NRXN3: variants seen among roughly 807,000 people sequenced by gnomAD.
NRXN3 encodes neurexin III.
In NRXN3, 32 loss-of-function variants were observed where a neutral mutation model predicts 137.6. The observed-to-expected ratio is 0.23, with a 90% CI of 0.18 to 0.31. The LOEUF is 0.31. Ranked by LOEUF, NRXN3 falls within the 10% of genes least tolerant of loss-of-function variation. The probability of loss-of-function intolerance (pLI) is 1.00; values close to 1 mark genes in which losing one functional copy is unlikely to be tolerated. For synonymous variants in NRXN3, 798 were observed against 784.5 expected, an observed-to-expected ratio of 1.02 and a Z score of -0.29; for missense variants, 1,574 against 2,062.5, an observed-to-expected ratio of 0.76 and a Z score of 4.59.
At chr14:78,913,252 T>C (rs550804882) in intron 10 of NRXN3, among the ~76,000 whole-genome samples, 2 of 105,126 alleles carry the variant, frequency 1.9e-5, no homozygotes, top group East Asian at 6.0e-4. Flanking sequence ...TTTCTTTTCT[T>C]TCTTTCTTTC....
chr14:78,328,681 G>T (rs2080412480), intron 4 of NRXN3, among the ~76,000 whole-genome samples: 1 of 152,166 alleles, frequency 6.6e-6, no homozygotes, highest in African/African-American at 2.4e-5. Flanking sequence ...TTGATATCAA[G>T]AATTTTCCAG....
At chr14:78,397,455 C>T (rs950472025) in intron 4 of NRXN3, among the ~76,000 whole-genome samples, 2 of 146,650 alleles carry the variant, frequency 1.4e-5, no homozygotes, top group East Asian at 2.0e-4. Context: ...CCATTCACTG[C>T]GATTTTTATT....
intron 4 of NRXN3, among the ~76,000 whole-genome samples, chr14:78,623,483 C>A (rs116262615): frequency 0.01 from 1,594 of 152,334 alleles, 33 homozygotes; most frequent in African/African-American, 0.037. Context: ...TAGTAGATAA[C>A]CATGCTACAG....
chr14:78,476,592 A>G (rs562142959), intron 4 of NRXN3, among the ~76,000 whole-genome samples: 2 of 152,248 alleles, frequency 1.3e-5, no homozygotes, highest in South Asian at 4.1e-4. Flanking sequence ...ATCCTACAAA[A>G]CTATCTTTCT....
intron 10 of NRXN3, among the ~76,000 whole-genome samples, chr14:78,825,801 G>C (rs2152375395): frequency 6.6e-6 from 1 of 152,324 alleles, no homozygotes; most frequent in East Asian, 1.9e-4. Flanking sequence ...GAAGAGTTTT[G>C]TGACAGCTGG....
At chr14:78,856,026 G>T (rs143472795) in intron 10 of NRXN3, among the ~76,000 whole-genome samples, 4 of 152,240 alleles carry the variant, frequency 2.6e-5, no homozygotes, top group Admixed American at 2.6e-4. Context: ...CCAAGAAAGG[G>T]TCAGAGTATT....
rs570642276 is a variant in NRXN3 at position 78,798,521 on chromosome 14, C to T, written c.2045-5099C>T. On this transcript the variant is annotated intron_variant, in intron 8 of 20. Transcript: ENST00000335750. ...TGAGTTTGTATGGCTTTTCTAGGTG[C>T]ACAGTGCAAGCTGTCAGTGGATTTA... Among the ~76,000 whole-genome samples the T allele has an allele frequency of 2.2e-4, 34 of 152,258 alleles. 1 individual carries two copies. The East Asian group carries it at 3.7e-3, about 16-fold the overall frequency.
chr14:78,638,048 T>C (rs1371231615), intron 4 of NRXN3, among the ~76,000 whole-genome samples: 1 of 152,246 alleles, frequency 6.6e-6, no homozygotes, highest in African/African-American at 2.4e-5. Flanking sequence ...CATTCTTCTG[T>C]GGACGGAGGC....
chr14:78,873,192 G>A (rs1381742803), intron 10 of NRXN3, among the ~76,000 whole-genome samples: 1 of 152,016 alleles, frequency 6.6e-6, no homozygotes, highest in Non-Finnish European at 1.5e-5. Flanking sequence ...ACTTTTTTCT[G>A]TCCTACTGTC....
chr14:79,126,423 T>C (rs2152940326), intron 15 of NRXN3, among the ~76,000 whole-genome samples: 1 of 144,468 alleles, frequency 6.9e-6, no homozygotes, highest in African/African-American at 2.6e-5. Flanking sequence ...GAATATGCGG[T>C]GTTTGGTTTT....
intron 16 of NRXN3, among the ~76,000 whole-genome samples, chr14:79,531,589 C>T (rs1466162319): frequency 6.6e-6 from 1 of 151,880 alleles, no homozygotes; most frequent in Non-Finnish European, 1.5e-5. Flanking sequence ...TGGCAAATAC[C>T]AATAAGGTCA....
At chr14:79,390,384 T>G (rs2094806078) in intron 15 of NRXN3, among the ~76,000 whole-genome samples, 1 of 152,040 alleles carries the variant, frequency 6.6e-6, no homozygotes, top group South Asian at 2.1e-4. Flanking sequence ...TCATCTCTCC[T>G]TTAACATTCC....
rs114836936 is a variant in NRXN3 at position 79,205,922 on chromosome 14, A to C, written c.3262+217781A>C. ...TCATTTAGGCTCTCCCTGAATATAC[A>C]AATTTTGGTACCTCATCATTGTAGT... On this transcript the variant is annotated intron_variant, in intron 15 of 20. Coordinates refer to ENST00000335750, the MANE Select transcript of NRXN3 (RefSeq NM_001330195.2). 6.9e-3 allele frequency among the ~76,000 whole-genome samples: 1,053 copies of C among 152,268 alleles called. 15 individuals carry two copies. Among genetic ancestry groups the C allele is most frequent in the African/African-American group, 0.024 (977 of 41,566 alleles).
intron 15 of NRXN3, among the ~76,000 whole-genome samples, chr14:79,390,035 G>T (rs1222782497): frequency 6.6e-6 from 1 of 152,148 alleles, no homozygotes; most frequent in Non-Finnish European, 1.5e-5. Context: ...ACATGAATTA[G>T]GTCCAGGAGC....
chr14:79,856,084 A>G (rs2099401900), intron 20 of NRXN3, among the ~76,000 whole-genome samples: 1 of 152,176 alleles, frequency 6.6e-6, no homozygotes. Flanking sequence ...AGCCTTTCCA[A>G]ATCAAACCTA....
chr14:78,875,468 T>TA (rs2099111909), intron 10 of NRXN3, among the ~76,000 whole-genome samples: 1 of 88,782 alleles, frequency 1.1e-5, no homozygotes, highest in Non-Finnish European at 1.9e-5. Flanking sequence ...TACAGTGCCG[T>TA]AATAAAAATA....
intron 19 of NRXN3, among the ~76,000 whole-genome samples, chr14:79,774,526 T>G (rs1434901227): frequency 1.3e-5 from 2 of 152,202 alleles, no homozygotes; most frequent in African/African-American, 2.4e-5. Context: ...ATGATTAAAC[T>G]ATTTCTAGGA....
chr14:78,951,823 T>G (rs913502261), intron 10 of NRXN3, among the ~76,000 whole-genome samples: 32 of 152,158 alleles, frequency 2.1e-4, no homozygotes, highest in Admixed American at 2.0e-3. Context: ...TTGCAAAACC[T>G]TGGCAGAAGT....
At chr14:78,416,625 T>C (rs1335113803) in intron 4 of NRXN3, among the ~76,000 whole-genome samples, 2 of 152,212 alleles carry the variant, frequency 1.3e-5, no homozygotes, top group Non-Finnish European at 2.9e-5. Context: ...GTGACCGTAT[T>C]GTATTTTATT....
Sources: allele counts gnomAD v4.1 joint callset (sites outside exome capture counted in the v4.1 genomes callset), GRCh38; gene constraint gnomAD v4.1.1; transcripts MANE v1.5; gene names NCBI Gene and HGNC (gene_info 2026-07-23, HGNC 2026-07-21).